UBXN11: variants seen among roughly 807,000 people sequenced by gnomAD.
UBXN11 encodes UBX domain protein 11, also known as UBX domain-containing protein 11.
Under a neutral mutation model 62.8 loss-of-function variants are expected in UBXN11, and 47 were observed. The observed-to-expected ratio is 0.75, with a 90% confidence interval of 0.59 to 0.95. The LOEUF (loss-of-function observed/expected upper bound fraction) is 0.95, where lower values mean the gene tolerates loss of function less well. Among genes scored for constraint, UBXN11 ranks in the 40% least tolerant of loss-of-function variants. UBXN11 has a pLI of 0.00. For synonymous variants in UBXN11, 294 were observed against 267.0 expected (o/e 1.10, Z -0.99); for missense variants, 638 against 661.7 (o/e 0.96, Z 0.39).
Position 26,297,421 on chromosome 1 carries a change from C to T in UBXN11, c.355+6G>A. On this transcript the variant is annotated splice_donor_region_variant and intron_variant, in intron 6 of 14. Coordinates refer to ENST00000374222, the MANE Select transcript of UBXN11 (RefSeq NM_001389556.1). ...GGCGCAGGTCAGCCCTCCAAGAGCC[C>T]CCTACCTGGGTGTGGCCGGAGGGTC... is the stretch of plus-strand genomic sequence containing the variant. 4 of 1,543,748 alleles carry T rather than the reference C, an allele frequency of 2.6e-6. No homozygotes were observed. The highest frequency in any genetic ancestry group is 3.5e-6 in the Non-Finnish European group (4 of 1,143,932).
chr1:26,314,735 A>G (rs1393188619), intron 1 of UBXN11, among the ~76,000 whole-genome samples: 2 of 152,234 alleles, frequency 1.3e-5, no homozygotes, highest in East Asian at 3.8e-4. Flanking sequence ...CAAGGGACAG[A>G]CCATATTCTT....
Position 26,282,853 on chromosome 1 carries a change from C to T in UBXN11, c.1151+11G>A. The T allele has an allele frequency of 6.2e-7, 1 of 1,613,632 alleles. No homozygotes were observed. The highest frequency in any genetic ancestry group is 8.5e-7 in the Non-Finnish European group (1 of 1,179,552). ...CGCCCCCAGGCCCTCACCTCCTCAT[C>T]CCGCCCTCACCTCTCTCGCTCAGCG... On this transcript the variant is annotated intron_variant, in intron 13 of 14. Coordinates refer to ENST00000374222, the MANE Select transcript of UBXN11 (RefSeq NM_001389556.1).
chr1:26,282,498 G>T lies in UBXN11; in HGVS notation c.1364C>A (p.Thr455Lys). 1.9e-6 allele frequency: 3 copies of T among 1,606,170 alleles called. No individual in the cohort carries two copies. In the South Asian group the frequency reaches 3.3e-5, roughly 18 times the overall value. The change falls in exon 15 of 15, where the codon ACG becomes AAG. Residue 455 changes from threonine (T) to lysine (K), a missense_variant. Physicochemically the swap from Thr to Lys is moderately conservative, Grantham distance 78 (BLOSUM62 -1). Transcript: ENST00000374222. Reference sequence around the variant, plus strand: ...GGGCACAAGGCCTGCAGCCTGCAGCGTGAGTGTATCGTCCTGGTAGAGGGT... The same window carrying T: ...GGGCACAAGGCCTGCAGCCTGCAGCTTGAGTGTATCGTCCTGGTAGAGGGT... ...PPTLYQDDTL[T>K]LQAAGLVPKA...
rs562979234 is a variant in UBXN11, at chr1:26,289,702, A to G, written c.560-3665T>C. ...GCAAATGGCGACAATGGCATGTGTA[A>G]GTATCACTGTGGGGGCTGTGGAGCC... On this transcript the variant is annotated intron_variant, in intron 8 of 14. Transcript: ENST00000374222. Among the ~76,000 whole-genome samples the G allele has an allele frequency of 2.0e-5, 3 of 152,252 alleles. No homozygotes were observed. In the East Asian group the frequency reaches 5.8e-4, roughly 29 times the overall value.
chr1:26,311,072 G>C (rs1347260097), upstream of UBXN11, among the ~76,000 whole-genome samples: 1 of 151,816 alleles, frequency 6.6e-6, no homozygotes, highest in Non-Finnish European at 1.5e-5. Context: ...TTCTGGACCT[G>C]TTTCCCACCT....
At chr1:26,294,573 C>T (rs552318569) in intron 7 of UBXN11, among the ~76,000 whole-genome samples, 1 of 152,214 alleles carries the variant, frequency 6.6e-6, no homozygotes, top group Non-Finnish European at 1.5e-5. Context: ...GCCACATAAG[C>T]TTGTGAGGAG....
upstream of UBXN11, among the ~76,000 whole-genome samples, chr1:26,310,538 C>A (rs1331641008): frequency 1.4e-4 from 20 of 137,992 alleles, no homozygotes; most frequent in African/African-American, 1.9e-4. Context: ...GACTCCATCT[C>A]AAAAAAAAAA....
chr1:26,317,126 A>G (rs1015618259), intron 1 of UBXN11, among the ~76,000 whole-genome samples: 8 of 151,792 alleles, frequency 5.3e-5, no homozygotes, highest in Non-Finnish European at 8.8e-5. Context: ...CTGTAGTCCC[A>G]GCTATGCGGG....
intron 1 of UBXN11, among the ~76,000 whole-genome samples, chr1:26,304,448 C>A (rs1378639570): frequency 1.3e-5 from 2 of 152,110 alleles, no homozygotes; most frequent in East Asian, 3.9e-4. Flanking sequence ...ACTTCTCACC[C>A]ACAGAAAAAA....
intron 3 of UBXN11, among the ~76,000 whole-genome samples, chr1:26,301,343 C>T (rs1305539621): frequency 6.6e-6 from 1 of 151,600 alleles, no homozygotes; most frequent in Non-Finnish European, 1.5e-5. Context: ...GGCTGTCACA[C>T]TGGAGGAGGC....
intron 1 of UBXN11, among the ~76,000 whole-genome samples, chr1:26,312,302 A>G (rs1490373397): frequency 6.6e-6 from 1 of 151,944 alleles, no homozygotes. Context: ...CCCAGGCTGG[A>G]GTGCAATGGC....
At position 26,296,982 on chromosome 1, in the gene UBXN11, C is replaced by T. The variant is rs1376213870; in HGVS notation, c.369G>A (p.Leu123=). ...TLRPHPAEAT[L]QRQEELETMC... is the part of the protein sequence containing the mutation. ...TCGTCTCCAGTTCCTCCTGCCGCTGCAGGGTTGCCTCGGCTTCAGGGAAAG... is the reference window on the plus strand; with the variant it reads ...TCGTCTCCAGTTCCTCCTGCCGCTGTAGGGTTGCCTCGGCTTCAGGGAAAG... Residue 123 remains leucine, a synonymous_variant, in exon 7 of 15, where the codon CTG becomes CTA. Transcript: ENST00000374222. The T allele has an allele frequency of 1.2e-6, 2 of 1,604,154 alleles. No homozygotes were observed. Among genetic ancestry groups the T allele is most frequent in the Admixed American group, 3.4e-5 (2 of 58,822 alleles).
At chr1:26,291,132 C>G (rs2073254178) in intron 8 of UBXN11, among the ~76,000 whole-genome samples, 1 of 152,130 alleles carries the variant, frequency 6.6e-6, no homozygotes, top group Non-Finnish European at 1.5e-5. Context: ...CCCTGGCTCA[C>G]CCTCCACAGG....
At chr1:26,287,564 C>CA (rs1343235190) in intron 8 of UBXN11, among the ~76,000 whole-genome samples, 2 of 151,984 alleles carry the variant, frequency 1.3e-5, no homozygotes, top group Non-Finnish European at 2.9e-5. Flanking sequence ...CAGGCTGCGG[C>CA]AGGATGTGGG....
intron 3 of UBXN11, 71 bp from the exon 4 acceptor site, chr1:26,301,095 G>A (rs895406038): frequency 1.7e-5 from 28 of 1,610,086 alleles, no homozygotes; most frequent in Middle Eastern, 1.6e-4. Context: ...CTGGGCCCTC[G>A]CCAGTGTGAC....
chr1:26,303,691 T>C (rs1035834627), intron 1 of UBXN11, among the ~76,000 whole-genome samples: 1 of 150,970 alleles, frequency 6.6e-6, no homozygotes, highest in Non-Finnish European at 1.5e-5. Context: ...ATGCCAGGTT[T>C]TGCCACTCAC....
rs2073064897 is a variant in UBXN11, at chr1:26,284,000, G to A, written c.1077+142C>T. On this transcript the variant is annotated intron_variant, in intron 12 of 14. Transcript: ENST00000374222. ...CCCTCACCAGCCTCACAGTTTCCAG[G>A]AGACAGTGGAGCAACAGCTCTGAGG... 1.6e-5 allele frequency: 14 copies of A among 880,092 alleles called. No homozygotes were observed. The South Asian group carries it at 2.0e-4, about 12-fold the overall frequency. The allele number at this position is 880,092 out of a possible 1,614,324, so 54.5% of individuals were successfully genotyped here. A position where few individuals can be genotyped will look rare whatever the true frequency, so the allele number is the denominator to read the frequency against.
intron 8 of UBXN11, among the ~76,000 whole-genome samples, chr1:26,289,241 A>G (rs1557682235): frequency 2.0e-5 from 3 of 152,210 alleles, no homozygotes; most frequent in East Asian, 1.9e-4. Flanking sequence ...CACACTTCAC[A>G]GGGCTGCTGT....
At position 26,298,066 on chromosome 1, in the gene UBXN11, C is replaced by T. The variant is rs372341150; in HGVS notation, c.200-4G>A. On this transcript the variant is annotated splice_region_variant and splice_polypyrimidine_tract_variant and intron_variant, in intron 4 of 14. Coordinates refer to ENST00000374222, the MANE Select transcript of UBXN11 (RefSeq NM_001389556.1). ...TCCGAGTCATGGGATGCAGGGACTG[C>T]CAAGCACACAAAGTCTTTAGAGCCC... 21 of 1,611,998 alleles carry T rather than the reference C, an allele frequency of 1.3e-5. No individual in the cohort carries two copies. In the African/African-American group the frequency reaches 2.7e-4, roughly 21 times the overall value.
Sources: gnomAD v4.1 joint callset for allele counts (sites outside exome capture counted in the v4.1 genomes callset) on GRCh38, gnomAD v4.1.1 for gene constraint, MANE v1.5 for transcripts, NCBI Gene and HGNC (gene_info 2026-07-23, HGNC 2026-07-21) for gene names.